The following COL6A5 variants were observed in gnomAD, a reference collection of about 807,000 sequenced individuals.
COL6A5 encodes collagen alpha-5(VI) chain.
A neutral mutation model predicts 65.6 loss-of-function variants in COL6A5; 48 were observed. The ratio of observed to expected loss-of-function variants is 0.73; its 90% CI spans 0.58 to 0.93. COL6A5 has a LOEUF of 0.93. Among genes scored for constraint, COL6A5 ranks in the 40% least tolerant of loss-of-function variants. The probability of loss-of-function intolerance (pLI) is 0.00; values close to 1 mark genes in which losing one functional copy is unlikely to be tolerated. For missense variants in COL6A5, 914 were observed against 928.3 expected, an observed-to-expected ratio of 0.98 and a Z score of 0.20; for synonymous variants, 291 against 322.8, an observed-to-expected ratio of 0.90 and a Z score of 1.05.
At chr3:130,431,999 T>A in intron 1 of COL6A5, 50 bp downstream of exon 33, 1 of 1,526,806 alleles carries the variant, frequency 6.5e-7, no homozygotes, top group Non-Finnish European at 8.8e-7. Flanking sequence ...GAGGTAGGTA[T>A]TGTGATAGGG....
chr3:130,374,238 G>A (rs998756070), intron 2 of COL6A5, among the ~76,000 whole-genome samples: 1 of 152,116 alleles, frequency 6.6e-6, no homozygotes, highest in Non-Finnish European at 1.5e-5. Flanking sequence ...CCTAGATGGT[G>A]TAGCCTACTA....
upstream of COL6A5, among the ~76,000 whole-genome samples, chr3:130,426,885 G>T (rs951831963): frequency 2.6e-5 from 4 of 151,978 alleles, no homozygotes; most frequent in Admixed American, 1.3e-4. Context: ...ACATAAAGAG[G>T]TTGTCTTTGG....
At chr3:130,375,554 CTA>C (rs1246434221) in intron 2 of COL6A5, among the ~76,000 whole-genome samples, 1 of 152,122 alleles carries the variant, frequency 6.6e-6, no homozygotes, top group Non-Finnish European at 1.5e-5. Context: ...ATTGCTTACT[CTA>C]TAACGTTTTC....
intron 1 of COL6A5, 60 bp from the exon 2 acceptor site, chr3:130,373,551 G>C (rs1935640855): frequency 1.3e-6 from 1 of 768,516 alleles, no homozygotes; most frequent in Non-Finnish European, 2.2e-6. Flanking sequence ...CAACTATCCT[G>C]ACAGTTACTT....
chr3:130,469,140 A>G (rs1392125655), exon 6 of COL6A5: 1 of 1,613,044 alleles, frequency 6.2e-7, no homozygotes, highest in Non-Finnish European at 8.5e-7. Context: ...GACTCTCAAC[A>G]GCTCAATGGA....
intron 10 of COL6A5, among the ~76,000 whole-genome samples, chr3:130,400,401 A>G (rs1936776060): frequency 6.6e-6 from 1 of 152,242 alleles, no homozygotes; most frequent in African/African-American, 2.4e-5. Context: ...TTATACAATG[A>G]TTAATACATA....
chr3:130,362,191 A>G (rs182250107), intron 1 of COL6A5, among the ~76,000 whole-genome samples: 2 of 147,910 alleles, frequency 1.4e-5, no homozygotes, highest in East Asian at 4.0e-4. Flanking sequence ...ATGGTTTTGC[A>G]TTTTGCATTT....
At chr3:130,347,580 A>G (rs551685270) in intron 1 of COL6A5, among the ~76,000 whole-genome samples, 15 of 152,302 alleles carry the variant, frequency 9.8e-5, no homozygotes, top group East Asian at 1.9e-4. Flanking sequence ...TAAGTATTCA[A>G]TGAGCATATG....
chr3:130,412,786 G>A (rs1261275773), intron 20 of COL6A5, among the ~76,000 whole-genome samples: 1 of 152,150 alleles, frequency 6.6e-6, no homozygotes, highest in Non-Finnish European at 1.5e-5. Context: ...CAACCTGGTG[G>A]AGCTGATACT....
At chr3:130,381,816 A>T (rs546108521) in intron 4 of COL6A5, among the ~76,000 whole-genome samples, 11 of 152,224 alleles carry the variant, frequency 7.2e-5, no homozygotes, top group African/African-American at 2.6e-4. Flanking sequence ...TTACTACACC[A>T]TAGGAGGGAT....
intron 5 of COL6A5, among the ~76,000 whole-genome samples, chr3:130,462,421 G>A (rs902627189): frequency 1.3e-5 from 2 of 152,082 alleles, no homozygotes; most frequent in Non-Finnish European, 2.9e-5. Flanking sequence ...TTTTTTCGTG[G>A]AAGTCCTGGT....
chr3:130,384,845 G>A, exon 5 of COL6A5: 1 of 1,549,810 alleles, frequency 6.5e-7, no homozygotes, highest in Non-Finnish European at 8.7e-7. Flanking sequence ...CTTCCTCATT[G>A]ATGGCTCAAG....
intron 1 of COL6A5, among the ~76,000 whole-genome samples, 174 bp from the exon 2 acceptor site, chr3:130,373,437 T>A (rs2107634807): frequency 6.6e-6 from 1 of 152,288 alleles, no homozygotes; most frequent in East Asian, 1.9e-4. Flanking sequence ...TCAGCAAACA[T>A]TAGCATTAAT....
At chr3:130,362,083 T>A (rs543006711) in intron 1 of COL6A5, among the ~76,000 whole-genome samples, 1 of 151,620 alleles carries the variant, frequency 6.6e-6, no homozygotes, top group South Asian at 2.1e-4. Context: ...TCATTAATTA[T>A]TTTTTTTCAT....
At chr3:130,391,570 C>T in exon 7 of COL6A5, 4 of 1,551,682 alleles carry the variant, frequency 2.6e-6, no homozygotes, top group Non-Finnish European at 3.5e-6. Flanking sequence ...AGCTCAATGA[C>T]ACAGCATTGG....
At chr3:130,384,979 G>A in exon 5 of COL6A5, 1 of 1,550,894 alleles carries the variant, frequency 6.4e-7, no homozygotes, top group Non-Finnish European at 8.7e-7. Flanking sequence ...ACACAGAAGT[G>A]GAATTTTATA....
upstream of COL6A5, among the ~76,000 whole-genome samples, chr3:130,428,598 A>G (rs552700028): frequency 3.5e-4 from 53 of 152,308 alleles, no homozygotes; most frequent in Middle Eastern, 0.017. Flanking sequence ...TCCAGACTCA[A>G]ACCCAGCGGG....
chr3:130,465,527 C>T (rs1709794419), intron 5 of COL6A5, among the ~76,000 whole-genome samples: 1 of 151,932 alleles, frequency 6.6e-6, no homozygotes, highest in Admixed American at 6.6e-5. Flanking sequence ...AAATAATTAG[C>T]CCTGAATTAA....
At chr3:130,440,562 A>G (rs1709154622) in exon 3 of COL6A5, 2 of 1,613,496 alleles carry the variant, frequency 1.2e-6, no homozygotes, top group Middle Eastern at 1.6e-4. Flanking sequence ...GAAACACCCT[A>G]TCTAAGAAAA....
Sources: gnomAD v4.1 joint callset for allele counts (sites outside exome capture counted in the v4.1 genomes callset) on GRCh38, gnomAD v4.1.1 for gene constraint, MANE v1.5 for transcripts, NCBI Gene and HGNC (gene_info 2026-07-23, HGNC 2026-07-21) for gene names.